Variants in LEKR1 observed in about 807,000 individuals in gnomAD.
LEKR1 encodes leucine, glutamate and lysine rich 1.
Under a neutral mutation model 72.4 loss-of-function variants are expected in LEKR1, and 59 were observed. That is an observed-to-expected ratio of 0.82 (90% CI 0.66 to 1.01). The LOEUF (loss-of-function observed/expected upper bound fraction) is 1.01, where lower values mean the gene tolerates loss of function less well. Ranked by LOEUF, LEKR1 falls within the 50% of genes least tolerant of loss-of-function variation. LEKR1 has a pLI of 0.00. For missense variants in LEKR1, 728 were observed against 759.2 expected (o/e 0.96, Z 0.48); for synonymous variants, 257 against 263.2 (o/e 0.98, Z 0.23).
intron 12 of LEKR1, among the ~76,000 whole-genome samples, chr3:157,034,270 T>C (rs1025238309): frequency 6.6e-5 from 10 of 152,166 alleles, no homozygotes; most frequent in African/African-American, 2.2e-4. Flanking sequence ...TATTGATTCC[T>C]CTGATGGATC....
At chr3:156,976,012 AG>A (rs1729657342) in intron 6 of LEKR1, among the ~76,000 whole-genome samples, 1 of 152,180 alleles carries the variant, frequency 6.6e-6, no homozygotes, top group Non-Finnish European at 1.5e-5. Context: ...CAGAAACTGA[AG>A]GAGCTGTTTT....
intron 12 of LEKR1, among the ~76,000 whole-genome samples, chr3:157,031,229 G>A (rs1365745453): frequency 6.6e-6 from 1 of 152,098 alleles, no homozygotes; most frequent in Non-Finnish European, 1.5e-5. Flanking sequence ...CTGCTCATTA[G>A]TTTTTAAAAG....
chr3:156,856,206 A>G (rs1458996226), intron 3 of LEKR1, among the ~76,000 whole-genome samples: 1 of 152,156 alleles, frequency 6.6e-6, no homozygotes, highest in East Asian at 1.9e-4. Flanking sequence ...TGTTGGCCCA[A>G]TATCACTTAT....
intron 6 of LEKR1, among the ~76,000 whole-genome samples, chr3:156,961,715 T>C (rs1728147750): frequency 6.6e-6 from 1 of 152,208 alleles, no homozygotes; most frequent in Non-Finnish European, 1.5e-5. Context: ...TTCTGCTTTC[T>C]GGTACTGTTT....
At chr3:156,954,936 T>A (rs1481720727) in intron 6 of LEKR1, among the ~76,000 whole-genome samples, 1 of 152,070 alleles carries the variant, frequency 6.6e-6, no homozygotes, top group Admixed American at 6.6e-5. Flanking sequence ...AATCTATAAA[T>A]TACTTTGGGC....
chr3:156,857,496 C>T (rs1716215433), intron 3 of LEKR1, among the ~76,000 whole-genome samples: 1 of 152,036 alleles, frequency 6.6e-6, no homozygotes, highest in Non-Finnish European at 1.5e-5. Context: ...TAACTTTTAT[C>T]TTTGGATAAA....
intron 7 of LEKR1, among the ~76,000 whole-genome samples, chr3:156,984,779 T>G (rs993316925): frequency 2.6e-5 from 4 of 152,110 alleles, no homozygotes; most frequent in African/African-American, 7.2e-5. Context: ...GGACTTACAT[T>G]TTAATTTCAT....
At chr3:157,013,736 C>A (rs189720261) in intron 10 of LEKR1, among the ~76,000 whole-genome samples, 2 of 152,064 alleles carry the variant, frequency 1.3e-5, no homozygotes, top group East Asian at 3.8e-4. Flanking sequence ...ATAAAAAGTT[C>A]TCTAAAAGTC....
intron 9 of LEKR1, among the ~76,000 whole-genome samples, chr3:156,995,618 G>A (rs902761412): frequency 6.6e-6 from 1 of 152,162 alleles, no homozygotes; most frequent in African/African-American, 2.4e-5. Flanking sequence ...GATCACTTGA[G>A]GCCAGCAGTT....
At chr3:156,961,673 T>C (rs112434339) in intron 6 of LEKR1, among the ~76,000 whole-genome samples, 4 of 152,302 alleles carry the variant, frequency 2.6e-5, no homozygotes, top group African/African-American at 4.8e-5. Context: ...TGTGGTTCAG[T>C]TGGAAAAAAT....
At chr3:157,030,910 C>A (rs148628621) in intron 12 of LEKR1, among the ~76,000 whole-genome samples, 1 of 152,106 alleles carries the variant, frequency 6.6e-6, no homozygotes, top group African/African-American at 2.4e-5. Flanking sequence ...TCAGGGCAAG[C>A]GAGTGAGAAT....
chr3:156,847,460 G>A (rs1714758281), intron 2 of LEKR1, among the ~76,000 whole-genome samples: 1 of 152,146 alleles, frequency 6.6e-6, no homozygotes, highest in Non-Finnish European at 1.5e-5. Flanking sequence ...TTCAAAACGA[G>A]AGGATGATAT....
In LEKR1 at chr3:157,001,267, T is replaced by C. The variant is rs114322334; in HGVS notation, c.1109+7990T>C. 8.2e-3 allele frequency among the ~76,000 whole-genome samples: 1,242 copies of C among 152,310 alleles called. 14 individuals are homozygous for C. Among genetic ancestry groups the C allele is most frequent in the African/African-American group, 0.028 (1,176 of 41,564 alleles). ...TCCAAGACTCACCTCTTTCTCTGAT[T>C]TCCTATCCATCAACAGCTCTCAGAA... is the stretch of plus-strand genomic sequence containing the variant. On this transcript the variant is annotated intron_variant, in intron 9 of 12. Transcript: ENST00000356539.
At chr3:156,986,427 G>A (rs1322963759) in intron 7 of LEKR1, among the ~76,000 whole-genome samples, 1 of 152,178 alleles carries the variant, frequency 6.6e-6, no homozygotes, top group South Asian at 2.1e-4. Flanking sequence ...CAAGTGAGAA[G>A]TAATTATGGT....
intron 3 of LEKR1, among the ~76,000 whole-genome samples, chr3:156,885,433 A>C (rs1425371764): frequency 6.6e-6 from 1 of 152,244 alleles, no homozygotes; most frequent in Non-Finnish European, 1.5e-5. Flanking sequence ...AGAAGTCTGA[A>C]ACTCAAGGCT....
In LEKR1 at chr3:156,917,926, G is replaced by A. The variant is rs139048639; in HGVS notation, c.264-2649G>A. ...CAGGGGAATAGAAAGCTCCAGGAAG[G>A]CTACCTCCTGGTAAAGAAATGATTT... On this transcript the variant is annotated intron_variant, in intron 3 of 12. Transcript: ENST00000356539. 7.2e-4 allele frequency among the ~76,000 whole-genome samples: 109 copies of A among 152,214 alleles called. 1 individual carries two copies. Among genetic ancestry groups the A allele is most frequent in the Middle Eastern group, 6.8e-3 (2 of 294 alleles).
chr3:156,861,381 A>G (rs1455797975), intron 3 of LEKR1, among the ~76,000 whole-genome samples: 1 of 152,152 alleles, frequency 6.6e-6, no homozygotes, highest in East Asian at 1.9e-4. Context: ...GGACAACTTA[A>G]TTTTGAATAA....
chr3:156,849,567 C>T (rs999776082), intron 2 of LEKR1, among the ~76,000 whole-genome samples: 8 of 152,142 alleles, frequency 5.3e-5, no homozygotes, highest in Middle Eastern at 3.4e-3. Context: ...GAGATATAGA[C>T]CAGTGGAACA....
intron 3 of LEKR1, chr3:156,888,373 C>A (rs763832051): frequency 1.1e-5 from 8 of 702,210 alleles, no homozygotes; most frequent in Non-Finnish European, 1.6e-5. Context: ...AGATCTACAA[C>A]ATTCTGTCAC....
Sources: gnomAD v4.1 joint callset for allele counts (sites outside exome capture counted in the v4.1 genomes callset) on GRCh38, gnomAD v4.1.1 for gene constraint, MANE v1.5 for transcripts, NCBI Gene and HGNC (gene_info 2026-07-23, HGNC 2026-07-21) for gene names.